Variants in BMS1 observed in about 807,000 individuals in gnomAD.
BMS1 encodes BMS1 ribosome biogenesis factor.
A neutral mutation model predicts 138.7 loss-of-function variants in BMS1; 53 were observed. That is an observed-to-expected ratio of 0.38 (90% CI 0.31 to 0.48). The LOEUF is 0.48. Ranked by LOEUF, BMS1 falls within the 20% of genes least tolerant of loss-of-function variation. The pLI, the probability that BMS1 is intolerant of heterozygous loss-of-function variation, is 0.97. For missense variants in BMS1, 1,360 were observed against 1,565.5 expected (o/e 0.87, Z 2.22); for synonymous variants, 504 against 539.9 (o/e 0.93, Z 0.92).
At position 42,790,521 on chromosome 10, in the gene BMS1, G is replaced by T. The variant is rs186026471; in HGVS notation, c.636+10G>T. 3.5e-4 allele frequency: 561 copies of T among 1,612,952 alleles called. No individual in the cohort carries two copies. Among genetic ancestry groups the T allele is most frequent in the Non-Finnish European group, 4.4e-4 (516 of 1,179,174 alleles). On this transcript the variant is annotated intron_variant, in intron 5 of 22. Coordinates refer to ENST00000374518, the MANE Select transcript of BMS1 (RefSeq NM_014753.4). ...GACGGAAGTTTACCCGGTACGAAGA[G>T]AAATAATTGTTGGATACTAACAGTA...
At chr10:42,825,901 G>A (rs1036815261) in intron 21 of BMS1, among the ~76,000 whole-genome samples, 10 of 152,098 alleles carry the variant, frequency 6.6e-5, no homozygotes, top group African/African-American at 2.4e-4. Flanking sequence ...TAGACTGTGG[G>A]TTTTTCATAA....
intron 13 of BMS1, among the ~76,000 whole-genome samples, chr10:42,804,096 T>A (rs1343103196): frequency 6.6e-6 from 1 of 152,244 alleles, no homozygotes; most frequent in African/African-American, 2.4e-5. Context: ...TAGTGGGTAG[T>A]CCATTGTATG....
intron 15 of BMS1, 102 bp from the exon 16 acceptor site, chr10:42,820,134 G>T (rs1014994375): frequency 1.0e-4 from 147 of 1,416,752 alleles, no homozygotes; most frequent in Non-Finnish European, 1.3e-4. Context: ...ACATAATTCT[G>T]TCCACAGTTC....
At chr10:42,819,126 G>C (rs1842431260) in intron 15 of BMS1, among the ~76,000 whole-genome samples, 1 of 152,236 alleles carries the variant, frequency 6.6e-6, no homozygotes, top group Non-Finnish European at 1.5e-5. Flanking sequence ...TGAAGCCGTT[G>C]TTGGTGGAAG....
chr10:42,823,960 A>G (rs1216649381), intron 21 of BMS1, among the ~76,000 whole-genome samples, 176 bp downstream of exon 21: 3 of 152,264 alleles, frequency 2.0e-5, no homozygotes, highest in African/African-American at 7.2e-5. Flanking sequence ...ACACCAAAAA[A>G]TGATAATAGT....
rs997050660 is a variant in BMS1, at chr10:42,798,365, C to T, written c.2090-103C>T. 8.5e-6 allele frequency: 12 copies of T among 1,414,626 alleles called. No individual in the cohort carries two copies. In the African/African-American group the frequency reaches 1.0e-4, roughly 12 times the overall value. The allele number at this position is 1,414,626 out of a possible 1,614,324, so 87.6% of individuals were successfully genotyped here. A position where few individuals can be genotyped will look rare whatever the true frequency, so the allele number is the denominator to read the frequency against. ...CATACCCACCACAGACAGAGTCCCT[C>T]AGTTCCTGAGTTCAAAGACTCATGG... On this transcript the variant is annotated intron_variant, in intron 11 of 22. Coordinates refer to ENST00000374518, the MANE Select transcript of BMS1 (RefSeq NM_014753.4).
At chr10:42,784,981 A>G (rs1204329239) in intron 2 of BMS1, among the ~76,000 whole-genome samples, 3 of 152,212 alleles carry the variant, frequency 2.0e-5, no homozygotes, top group African/African-American at 7.2e-5. Context: ...TTATTCAACT[A>G]AATCCTTCCA....
At chr10:42,790,051 T>C (rs538380217) in intron 4 of BMS1, among the ~76,000 whole-genome samples, 1 of 152,292 alleles carries the variant, frequency 6.6e-6, no homozygotes, top group Admixed American at 6.5e-5. Context: ...AGTCATTTGA[T>C]TTAGTCTGGA....
At chr10:42,817,654 A>G (rs1842388155) in intron 15 of BMS1, among the ~76,000 whole-genome samples, 160 bp downstream of exon 15, 1 of 152,176 alleles carries the variant, frequency 6.6e-6, no homozygotes. Context: ...GAGTGTGTTT[A>G]TTCATGCAGT....
Position 42,786,785 on chromosome 10 carries a change from T to C in BMS1, c.368-383T>C, listed in dbSNP as rs1196855458. Among the ~76,000 whole-genome samples the C allele has an allele frequency of 2.6e-5, 4 of 152,292 alleles. No individual in the cohort carries two copies. The East Asian group carries it at 5.8e-4, about 22-fold the overall frequency. ...TTAGAAGTAATTATTGTTATGAATATTCTGTTGCATTATGTTTGAGGATGT... is the reference window on the plus strand; with the variant it reads ...TTAGAAGTAATTATTGTTATGAATACTCTGTTGCATTATGTTTGAGGATGT... On this transcript the variant is annotated intron_variant, in intron 3 of 22. Transcript: ENST00000374518.
intron 3 of BMS1, 74 bp downstream of exon 3, chr10:42,785,746 T>C: frequency 1.4e-6 from 2 of 1,473,048 alleles, no homozygotes. Flanking sequence ...GTTTGTTGTT[T>C]TCTTGAGTGG....
At position 42,802,219 on chromosome 10, in the gene BMS1, G is replaced by T. The variant is rs1049792812; in HGVS notation, c.2329+1G>T. The T allele has an allele frequency of 6.2e-7, 1 of 1,612,784 alleles. No homozygotes were observed. Among genetic ancestry groups the T allele is most frequent in the Non-Finnish European group, 8.5e-7 (1 of 1,179,206 alleles). On this transcript the variant is annotated splice_donor_variant, in intron 13 of 22. Transcript: ENST00000374518. LOFTEE classifies it high-confidence loss of function. ...GCAGCCAAGGTCTTAGCAGAAGATG[G>T]TAAGTAAAGAGCTGGGTTCTTCAGG...
chr10:42,821,542 CTTTTTTTTTTTTT>C (rs34272995), intron 18 of BMS1, among the ~76,000 whole-genome samples: 1 of 68,594 alleles, frequency 1.5e-5, no homozygotes, highest in Non-Finnish European at 2.6e-5. Flanking sequence ...CTCAAGGCGC[CTTTTTTTTTTTTT>C]TTTTTTTTTT....
At position 42,797,214 on chromosome 10, in the gene BMS1, A is replaced by T; in HGVS notation, c.1970A>T (p.Asp657Val). 6.2e-7 allele frequency: 1 copy of T among 1,603,158 alleles called. No individual in the cohort carries two copies. The highest frequency in any genetic ancestry group is 8.5e-7 in the Non-Finnish European group (1 of 1,175,374). Residue 657 changes from aspartate to valine, a missense_variant, in exon 10 of 23, where the codon GAT (aspartate) becomes GTT (valine). Coordinates refer to ENST00000374518, the MANE Select transcript of BMS1 (RefSeq NM_014753.4). ...GAAGATTACAAGGAAGAAAATAATG[A>T]TTCCAAAGAAACGTCAGGTAAGCTT... ...EEEDYKEENN[D>V]SKETSGALKW...
At chr10:42,797,333 A>T (rs1387163290) in intron 10 of BMS1, 89 bp from the exon 11 acceptor site, 2 of 1,576,654 alleles carry the variant, frequency 1.3e-6, no homozygotes, top group Non-Finnish European at 1.7e-6. Context: ...TGATTTTGTT[A>T]ACTGTTGAAA....
At chr10:42,795,296 G>A (rs1841644469) in intron 9 of BMS1, among the ~76,000 whole-genome samples, 1 of 151,814 alleles carries the variant, frequency 6.6e-6, no homozygotes, top group African/African-American at 2.4e-5. Context: ...CAGTCTTTAT[G>A]TAGTCATCAT....
Position 42,830,861 on chromosome 10 carries a change from G to C in BMS1, c.3619-5G>C. The C allele has an allele frequency of 6.2e-7, 1 of 1,606,690 alleles. No individual in the cohort carries two copies. The highest frequency in any genetic ancestry group is 8.5e-7 in the Non-Finnish European group (1 of 1,176,398). On this transcript the variant is annotated splice_polypyrimidine_tract_variant and splice_region_variant and intron_variant, in intron 22 of 22. Transcript: ENST00000374518. The stretch of plus-strand genomic sequence containing the variant: ...CTGATACTCACCGGCTTTTGTCCTT[G>C]TCAGATCCTTGCACTGCTGGATGCT...
At chr10:42,810,307 C>A (rs1320732430) in intron 13 of BMS1, among the ~76,000 whole-genome samples, 1 of 152,166 alleles carries the variant, frequency 6.6e-6, no homozygotes, top group Non-Finnish European at 1.5e-5. Context: ...ACCCAGTCAT[C>A]ACACTTATGA....
Position 42,797,107 on chromosome 10 carries a change from T to C in BMS1, c.1863T>C (p.Ser621=). 1 of 1,614,222 alleles carries C rather than the reference T, an allele frequency of 6.2e-7. No individual in the cohort carries two copies. The highest frequency in any genetic ancestry group is 1.1e-5 in the South Asian group (1 of 91,088). ...TTAGAAAAAAGCTTTCAAAGCCTTC[T>C]CAAGTGAGCAGTGGTCAGAAACTGG... ...EAIRKKLSKP[S]QVSSGQKLGP... is the part of the protein sequence containing the mutation. Residue 621 remains serine (S), a synonymous_variant, in exon 10 of 23, where the codon TCT becomes TCC. Transcript: ENST00000374518.
Sources: allele counts gnomAD v4.1 joint callset (sites outside exome capture counted in the v4.1 genomes callset), GRCh38; gene constraint gnomAD v4.1.1; transcripts MANE v1.5; gene names NCBI Gene and HGNC (gene_info 2026-07-23, HGNC 2026-07-21).